The following GAREM1 variants were observed in gnomAD, a reference collection of about 807,000 sequenced individuals.
GAREM1 encodes the protein GRB2-associated and regulator of MAPK protein 1.
In GAREM1, 26 loss-of-function variants were observed where a neutral mutation model predicts 71.3. The observed-to-expected ratio is 0.36, with a 90% CI of 0.27 to 0.51. GAREM1 has a LOEUF of 0.51. Ranked by LOEUF, GAREM1 falls within the 20% of genes least tolerant of loss-of-function variation. The probability of loss-of-function intolerance (pLI) is 0.95; values close to 1 mark genes in which losing one functional copy is unlikely to be tolerated. For synonymous variants in GAREM1, 440 were observed against 433.2 expected (o/e 1.02, Z -0.20); for missense variants, 1,026 against 1,103.1 (o/e 0.93, Z 0.99).
chr18:32,438,874 G>A (rs560683414), intron 1 of GAREM1, among the ~76,000 whole-genome samples: 14 of 152,260 alleles, frequency 9.2e-5, no homozygotes, highest in Middle Eastern at 3.4e-3. Context: ...CTAAGCAAGA[G>A]CCCCAGGAAT....
In GAREM1 at chr18:32,358,877, G is replaced by A. The variant is rs1305790224; in HGVS notation, c.262+34018C>T. The stretch of plus-strand genomic sequence containing the variant: ...TAATTTGCAGGGTTCTGTGCAAAAC[G>A]AAAACGTGGGTTCTCTCTTGTGCCT... On this transcript the variant is annotated intron_variant, in intron 2 of 5. Coordinates refer to ENST00000269209, the MANE Select transcript of GAREM1 (RefSeq NM_001242409.2). Among the ~76,000 whole-genome samples the A allele has an allele frequency of 3.3e-5, 5 of 152,142 alleles. No individual in the cohort carries two copies. The East Asian group carries it at 5.8e-4, about 18-fold the overall frequency.
chr18:32,298,719 T>C (rs1598940839), intron 3 of GAREM1, among the ~76,000 whole-genome samples: 1 of 152,188 alleles, frequency 6.6e-6, no homozygotes, highest in African/African-American at 2.4e-5. Context: ...ACAATTGTTC[T>C]AATAACAATT....
At chr18:32,303,434 G>A (rs531294202) in intron 3 of GAREM1, among the ~76,000 whole-genome samples, 115 of 152,240 alleles carry the variant, frequency 7.6e-4, no homozygotes, top group Non-Finnish European at 1.4e-3. Context: ...ATGCAGACGG[G>A]GAAAATTTTC....
intron 2 of GAREM1, among the ~76,000 whole-genome samples, chr18:32,351,696 T>C (rs1598982055): frequency 6.9e-6 from 1 of 144,562 alleles, no homozygotes; most frequent in African/African-American, 2.7e-5. Context: ...AGCAATACCC[T>C]CTCTCTTTTT....
At chr18:32,435,809 C>T (rs1287261207) in intron 1 of GAREM1, among the ~76,000 whole-genome samples, 2 of 152,092 alleles carry the variant, frequency 1.3e-5, no homozygotes, top group African/African-American at 4.8e-5. Flanking sequence ...GAGAAGTATT[C>T]GTGTTTGAAT....
At chr18:32,435,515 C>G (rs1300298768) in intron 1 of GAREM1, among the ~76,000 whole-genome samples, 1 of 152,048 alleles carries the variant, frequency 6.6e-6, no homozygotes, top group East Asian at 1.9e-4. Flanking sequence ...TCACATTTGT[C>G]TGCAGAACAT....
intron 1 of GAREM1, among the ~76,000 whole-genome samples, chr18:32,427,496 A>G (rs756814579): frequency 5.3e-5 from 8 of 152,180 alleles, no homozygotes; most frequent in East Asian, 1.9e-4. Context: ...AATGATTGCA[A>G]TGGTGATGTT....
At chr18:32,436,624 T>C (rs1299437454) in intron 1 of GAREM1, among the ~76,000 whole-genome samples, 1 of 152,190 alleles carries the variant, frequency 6.6e-6, no homozygotes, top group Non-Finnish European at 1.5e-5. Flanking sequence ...ACTTCATTAT[T>C]AGGAGTGTTT....
Position 32,310,251 on chromosome 18 carries a change from A to G in GAREM1, c.335T>C (p.Val112Ala). 1 of 1,613,838 alleles carries G rather than the reference A, an allele frequency of 6.2e-7. No individual in the cohort carries two copies. The highest frequency in any genetic ancestry group is 8.5e-7 in the Non-Finnish European group (1 of 1,179,924). The change falls in exon 3 of 6, where the codon GTG becomes GCG. Residue 112 changes from valine (V) to alanine (A), a missense_variant. This residue lies in a region of GAREM1 where 172 missense variants were observed against 175.2 expected (regional missense o/e 0.98). Transcript: ENST00000269209. Reference sequence around the variant, plus strand: ...CACGCGTTCAGGAAATGCCTTAGCCACCTCCTCCACACTGTTGAAATATTG... The same window carrying G: ...CACGCGTTCAGGAAATGCCTTAGCCGCCTCCTCCACACTGTTGAAATATTG... ...PVQYFNSVEE[V>A]AKAFPERVYV...
chr18:32,319,863 A>T (rs553643453), intron 2 of GAREM1, among the ~76,000 whole-genome samples: 5 of 152,348 alleles, frequency 3.3e-5, no homozygotes, highest in African/African-American at 1.2e-4. Flanking sequence ...AGAACTGCAC[A>T]TTATTTCATC....
chr18:32,276,607 T>G (rs936425885), intron 4 of GAREM1, among the ~76,000 whole-genome samples: 3 of 152,036 alleles, frequency 2.0e-5, no homozygotes, highest in African/African-American at 7.3e-5. Flanking sequence ...TTAGGAGGGA[T>G]TATGAGTGTA....
chr18:32,302,282 C>A (rs902607252), intron 3 of GAREM1, among the ~76,000 whole-genome samples: 2 of 152,140 alleles, frequency 1.3e-5, no homozygotes, highest in Admixed American at 6.5e-5. Context: ...CTAAAAGAAG[C>A]AGGATTAGGC....
intron 4 of GAREM1, among the ~76,000 whole-genome samples, chr18:32,272,476 C>T (rs983287831): frequency 1.2e-4 from 19 of 152,194 alleles, no homozygotes; most frequent in Non-Finnish European, 2.8e-4. Flanking sequence ...ATTTCTTCCA[C>T]AATAGACGCA....
At position 32,270,294 on chromosome 18, in the gene GAREM1, G is replaced by A. The variant is rs1192230177; in HGVS notation, c.1656C>T (p.Arg552=). The A allele has an allele frequency of 4.3e-6, 7 of 1,613,962 alleles. No homozygotes were observed. The highest frequency in any genetic ancestry group is 4.5e-5 in the East Asian group (2 of 44,888). The change falls in exon 5 of 6, where the codon CGC becomes CGT. Residue 552 remains arginine (R), a synonymous_variant. Transcript: ENST00000269209. The part of the protein sequence containing the change: ...PLSTSPSIPP[R]TVKPARQQTR... ...TCTGTTGCCGCGCTGGCTTGACTGTGCGAGGAGGGATGGAGGGACTGGTGG... is the reference window on the plus strand; with the variant it reads ...TCTGTTGCCGCGCTGGCTTGACTGTACGAGGAGGGATGGAGGGACTGGTGG...
At chr18:32,448,785 G>C (rs1351491346) in intron 1 of GAREM1, among the ~76,000 whole-genome samples, 1 of 152,150 alleles carries the variant, frequency 6.6e-6, no homozygotes, top group Non-Finnish European at 1.5e-5. Context: ...TCCACCCCAA[G>C]TCTTTCTTGT....
intron 1 of GAREM1, among the ~76,000 whole-genome samples, chr18:32,399,774 T>A (rs1047763077): frequency 1.3e-5 from 2 of 152,086 alleles, no homozygotes; most frequent in African/African-American, 4.8e-5. Flanking sequence ...TTCAATGCCA[T>A]CCCCATCAAG....
Position 32,306,471 on chromosome 18 carries a change from C to G in GAREM1, c.393+3722G>C, listed in dbSNP as rs634069. On this transcript the variant is annotated intron_variant, in intron 3 of 5. Transcript: ENST00000269209. ...CAGAATGTTTAGCAGCAACCCCCCC[C>G]ACCCACTAAATGACAGTAACATCCT... 1.2e-3 allele frequency among the ~76,000 whole-genome samples: 189 copies of G among 151,892 alleles called. 1 individual carries two copies. Among genetic ancestry groups the G allele is most frequent in the African/African-American group, 4.1e-3 (170 of 41,352 alleles).
intron 2 of GAREM1, among the ~76,000 whole-genome samples, chr18:32,371,527 G>A (rs2047979704): frequency 6.6e-6 from 1 of 152,208 alleles, no homozygotes. Context: ...TTAATCACAG[G>A]ATGTGGGGGA....
At chr18:32,464,616 G>A (rs1030175736) in intron 1 of GAREM1, among the ~76,000 whole-genome samples, 5 of 152,034 alleles carry the variant, frequency 3.3e-5, no homozygotes, top group East Asian at 1.9e-4. Flanking sequence ...TATAACCTGC[G>A]GATTACCAGA....
Sources: gnomAD v4.1 joint callset for allele counts (sites outside exome capture counted in the v4.1 genomes callset) on GRCh38, gnomAD v4.1.1 for gene constraint, gnomAD v4.1.1 regional missense constraint, MANE v1.5 for transcripts, NCBI Gene and HGNC (gene_info 2026-07-23, HGNC 2026-07-21) for gene names.